The following SDHAF3 variants were observed in gnomAD, a reference collection of about 807,000 sequenced individuals.
SDHAF3 encodes succinate dehydrogenase complex assembly factor 3, also known as succinate dehydrogenase assembly factor 3, mitochondrial.
A neutral mutation model predicts 11.5 loss-of-function variants in SDHAF3; 18 were observed. The observed-to-expected ratio is 1.56, with a 90% CI of 1.08 to 2.32. The LOEUF (loss-of-function observed/expected upper bound fraction) is 2.32, where lower values mean the gene tolerates loss of function less well. SDHAF3 is among the 30% of genes most tolerant of loss of function. The pLI, the probability that SDHAF3 is intolerant of heterozygous loss-of-function variation, is 0.00. For missense variants in SDHAF3, 200 were observed against 154.4 expected (o/e 1.30, Z -1.57); for synonymous variants, 72 against 59.3 (o/e 1.21, Z -0.99).
intron 1 of SDHAF3, among the ~76,000 whole-genome samples, chr7:97,147,295 A>G (rs1055807831): frequency 2.0e-5 from 3 of 152,224 alleles, no homozygotes; most frequent in Admixed American, 6.5e-5. Context: ...TAGAATTTCA[A>G]AATTAGATCT....
chr7:97,126,529 C>G (rs1257104935), intron 1 of SDHAF3, among the ~76,000 whole-genome samples: 1 of 152,154 alleles, frequency 6.6e-6, no homozygotes, highest in Non-Finnish European at 1.5e-5. Flanking sequence ...GAGGAGGAAT[C>G]TAGAGAGGCA....
intron 1 of SDHAF3, among the ~76,000 whole-genome samples, chr7:97,158,775 A>C (rs1217923979): frequency 1.3e-5 from 2 of 152,240 alleles, no homozygotes; most frequent in East Asian, 3.8e-4. Flanking sequence ...AATAGGACTA[A>C]CAGGAGATTT....
chr7:97,127,806 A>G (rs556906072), intron 1 of SDHAF3, among the ~76,000 whole-genome samples: 3 of 152,146 alleles, frequency 2.0e-5, no homozygotes, highest in South Asian at 4.2e-4. Flanking sequence ...GTCTCAGTCA[A>G]ATTGTTAATT....
chr7:97,168,009 G>C (rs1789540741), intron 1 of SDHAF3, among the ~76,000 whole-genome samples: 1 of 152,180 alleles, frequency 6.6e-6, no homozygotes, highest in Admixed American at 6.5e-5. Flanking sequence ...TGGGGGGAAT[G>C]GGGTAGAGCC....
intron 1 of SDHAF3, among the ~76,000 whole-genome samples, chr7:97,164,110 GT>G (rs997626673): frequency 6.6e-6 from 1 of 151,238 alleles, no homozygotes; most frequent in Middle Eastern, 3.2e-3. Flanking sequence ...ATGCCTGGCT[GT>G]TTTTTTTATA....
chr7:97,134,810 C>T (rs1462267219), intron 1 of SDHAF3, among the ~76,000 whole-genome samples: 1 of 152,140 alleles, frequency 6.6e-6, no homozygotes, highest in African/African-American at 2.4e-5. Context: ...TTTCTGGGTG[C>T]TCATAACACC....
At chr7:97,136,764 T>G (rs1310634408) in intron 1 of SDHAF3, among the ~76,000 whole-genome samples, 1 of 152,196 alleles carries the variant, frequency 6.6e-6, no homozygotes, top group Non-Finnish European at 1.5e-5. Flanking sequence ...CATTTAAATA[T>G]AATGTTTGTT....
intron 1 of SDHAF3, among the ~76,000 whole-genome samples, chr7:97,140,733 C>A (rs184654345): frequency 1.4e-5 from 2 of 145,478 alleles, no homozygotes; most frequent in Non-Finnish European, 3.0e-5. Flanking sequence ...CCGTCATCTT[C>A]GCAAGCTGAG....
At chr7:97,145,736 T>C (rs1296016983) in intron 1 of SDHAF3, among the ~76,000 whole-genome samples, 2 of 152,230 alleles carry the variant, frequency 1.3e-5, no homozygotes, top group Non-Finnish European at 2.9e-5. Context: ...CCTGTCGCTG[T>C]CAAGTGTTCT....
At chr7:97,163,130 CCTT>C (rs944954311) in intron 1 of SDHAF3, among the ~76,000 whole-genome samples, 3 of 148,200 alleles carry the variant, frequency 2.0e-5, no homozygotes, top group Non-Finnish European at 3.0e-5. Context: ...TATGTAATGC[CCTT>C]CTTTGTCTCT....
chr7:97,147,114 A>G (rs1789147883), intron 1 of SDHAF3, among the ~76,000 whole-genome samples: 1 of 152,228 alleles, frequency 6.6e-6, no homozygotes, highest in Admixed American at 6.5e-5. Flanking sequence ...AACTTGTCAG[A>G]TAAATTATCT....
intron 1 of SDHAF3, among the ~76,000 whole-genome samples, chr7:97,140,759 C>T (rs571961570): frequency 6.6e-6 from 1 of 152,024 alleles, no homozygotes; most frequent in Admixed American, 6.5e-5. Context: ...TGTATGTCGC[C>T]TCAGGACCCT....
chr7:97,152,071 A>C (rs1789233275), intron 1 of SDHAF3, among the ~76,000 whole-genome samples: 1 of 152,122 alleles, frequency 6.6e-6, no homozygotes, highest in Non-Finnish European at 1.5e-5. Context: ...ACATGTATCC[A>C]TCTTTATAGT....
Position 97,181,000 on chromosome 7 carries a change from T to TTATC in SDHAF3, c.175-10_175-7dup. On this transcript the variant is annotated splice_polypyrimidine_tract_variant and intron_variant, in intron 1 of 1. Coordinates refer to ENST00000432641, the MANE Select transcript of SDHAF3 (RefSeq NM_020186.3). Reference sequence around the variant, plus strand: ...ACTTTACATCTATAACCTTCATTCTTTATCTTTTTAGGTGTATGCAACAGC... The same window carrying TTATC: ...ACTTTACATCTATAACCTTCATTCTTTATCTATCTTTTTAGGTGTATGCAACAGC... 1.2e-6 allele frequency: 2 copies of TTATC among 1,602,900 alleles called. No individual in the cohort carries two copies. The highest frequency in any genetic ancestry group is 1.1e-5 in the South Asian group (1 of 89,030).
intron 1 of SDHAF3, among the ~76,000 whole-genome samples, chr7:97,141,209 A>G (rs141098738): frequency 0.17 from 26,244 of 152,180 alleles, 2,874 homozygotes; most frequent in Non-Finnish European, 0.25. Context: ...GATGTTATCA[A>G]TGACAATGCG....
chr7:97,131,335 G>T (rs1206155194), intron 1 of SDHAF3, among the ~76,000 whole-genome samples: 1 of 152,094 alleles, frequency 6.6e-6, no homozygotes, highest in Non-Finnish European at 1.5e-5. Context: ...TTGTAAATCA[G>T]TGTCTAAATA....
At chr7:97,177,143 A>C (rs1046249522) in intron 1 of SDHAF3, among the ~76,000 whole-genome samples, 1 of 151,934 alleles carries the variant, frequency 6.6e-6, no homozygotes, top group African/African-American at 2.4e-5. Flanking sequence ...TCTGCTTGGA[A>C]CTTGCTAAGC....
chr7:97,180,975 ACTTTACATCTATAACCTTCATT>A lies in SDHAF3; in HGVS notation c.175-31_175-10del, dbSNP rs1163850374. On this transcript the variant is annotated splice_polypyrimidine_tract_variant and intron_variant, in intron 1 of 1. Transcript: ENST00000432641. The stretch of plus-strand genomic sequence containing the variant: ...TCCTCTAATGTTAAATATTATTTAA[ACTTTACATCTATAACCTTCATT>A]CTTTATCTTTTTAGGTGTATGCAAC... 4 of 1,538,376 alleles carry A rather than the reference ACTTTACATCTATAACCTTCATT, an allele frequency of 2.6e-6. No individual in the cohort carries two copies. The highest frequency in any genetic ancestry group is 3.5e-6 in the Non-Finnish European group (4 of 1,138,212).
chr7:97,165,179 C>T (rs912933706), intron 1 of SDHAF3, among the ~76,000 whole-genome samples: 5 of 151,972 alleles, frequency 3.3e-5, no homozygotes, highest in South Asian at 4.2e-4. Context: ...CCCAGCTACT[C>T]GGGAGGCTGA....
Sources: allele counts gnomAD v4.1 joint callset (sites outside exome capture counted in the v4.1 genomes callset), GRCh38; gene constraint gnomAD v4.1.1; transcripts MANE v1.5; gene names NCBI Gene and HGNC (gene_info 2026-07-23, HGNC 2026-07-21).